The following NPIPA1 variants were observed in gnomAD, a reference collection of about 807,000 sequenced individuals.
NPIPA1 encodes nuclear pore complex-interacting protein family member A1.
For synonymous variants in NPIPA1, 7 were observed against 88.0 expected (o/e 0.08, Z 5.15); for missense variants, 22 against 232.2 (o/e 0.09, Z 5.88).
At chr16:14,937,859 C>A (rs1965653242) in intron 1 of NPIPA1, among the ~76,000 whole-genome samples, 1 of 142,618 alleles carries the variant, frequency 7.0e-6, no homozygotes, top group Middle Eastern at 3.4e-3. Context: ...GAAAGCAGAA[C>A]CTTTGTCTCC....
chr16:14,941,145 A>C (rs1387106258), intron 1 of NPIPA1, among the ~76,000 whole-genome samples: 1 of 151,804 alleles, frequency 6.6e-6, no homozygotes, highest in South Asian at 2.1e-4. Context: ...ACAAACAAAA[A>C]CAAAAAAAAT....
chr16:14,938,960 G>A (rs1364438444), intron 1 of NPIPA1, among the ~76,000 whole-genome samples: 6 of 142,546 alleles, frequency 4.2e-5, no homozygotes, highest in Non-Finnish European at 6.0e-5. Context: ...TCTTGACCTC[G>A]TGATCTGCCT....
At chr16:14,944,354 G>A (rs1256043778) in intron 2 of NPIPA1, among the ~76,000 whole-genome samples, 2 of 152,138 alleles carry the variant, frequency 1.3e-5, no homozygotes, top group African/African-American at 4.8e-5. Context: ...CAGCCTCAAC[G>A]AAGCTGATGT....
At chr16:14,938,925 C>T (rs1183143413) in intron 1 of NPIPA1, among the ~76,000 whole-genome samples, 2 of 145,588 alleles carry the variant, frequency 1.4e-5, no homozygotes, top group African/African-American at 2.5e-5. Flanking sequence ...TGGGTTTCAC[C>T]GTGTTCGCCA....
At chr16:14,943,710 C>CT (rs1965808200) in intron 2 of NPIPA1, among the ~76,000 whole-genome samples, 1 of 151,432 alleles carries the variant, frequency 6.6e-6, no homozygotes, top group Non-Finnish European at 1.5e-5. Context: ...CCTATGAAAT[C>CT]TAGCAGTAGC....
rs1355385360 is a variant in NPIPA1, at chr16:14,943,613, G to A, written c.192+1673G>A. Among the ~76,000 whole-genome samples the A allele has an allele frequency of 1.2e-4, 17 of 146,214 alleles. No individual in the cohort carries two copies. In the East Asian group the frequency reaches 3.5e-3, roughly 30 times the overall value. On this transcript the variant is annotated intron_variant, in intron 2 of 7. Coordinates refer to ENST00000328085, the MANE Select transcript of NPIPA1 (RefSeq NM_006985.4). ...GCAGGGACATCATGGGTGCCATGAA[G>A]CATTCATGTGTGATGGCATTTCTTT...
intron 1 of NPIPA1, chr16:14,937,734 GC>G (rs1965649584): frequency 1.6e-6 from 1 of 636,456 alleles, no homozygotes; most frequent in Admixed American, 2.6e-5. Flanking sequence ...GATGATGCGG[GC>G]GCTACTTGGA....
chr16:14,939,068 T>TA (rs1965693691), intron 1 of NPIPA1, among the ~76,000 whole-genome samples: 1 of 141,340 alleles, frequency 7.1e-6, no homozygotes, highest in Admixed American at 7.3e-5. Context: ...GGAAAGTACA[T>TA]ACACCAGCAT....
intron 2 of NPIPA1, among the ~76,000 whole-genome samples, chr16:14,944,236 TGAG>T (rs1194435719): frequency 5.3e-5 from 8 of 152,194 alleles, no homozygotes; most frequent in African/African-American, 1.9e-4. Flanking sequence ...TTAGCTATGA[TGAG>T]AACAAATATT....
chr16:14,946,719 G>T (rs1329254198), intron 4 of NPIPA1, among the ~76,000 whole-genome samples: 1 of 116,450 alleles, frequency 8.6e-6, no homozygotes, highest in Non-Finnish European at 1.7e-5. Flanking sequence ...TTTTGAGACA[G>T]AGTCTCACTC....
At chr16:14,938,986 T>C (rs1410426899) in intron 1 of NPIPA1, among the ~76,000 whole-genome samples, 1 of 138,634 alleles carries the variant, frequency 7.2e-6, no homozygotes, top group African/African-American at 2.7e-5. Flanking sequence ...GGCCTCCCAG[T>C]GCTGGGATTA....
chr16:14,947,895 G>A (rs1200203610), intron 4 of NPIPA1, among the ~76,000 whole-genome samples: 1 of 151,926 alleles, frequency 6.6e-6, no homozygotes, highest in Admixed American at 6.6e-5. Context: ...AGCTTCTTTA[G>A]CGTGGGGACA....
At chr16:14,947,856 C>T (rs1185476124) in intron 4 of NPIPA1, among the ~76,000 whole-genome samples, 2 of 151,956 alleles carry the variant, frequency 1.3e-5, no homozygotes, top group Non-Finnish European at 2.9e-5. Context: ...GTGATGTCCT[C>T]ACTGGCTTCT....
intron 2 of NPIPA1, among the ~76,000 whole-genome samples, chr16:14,943,762 C>T (rs1413425914): frequency 6.6e-6 from 1 of 152,022 alleles, no homozygotes; most frequent in African/African-American, 2.4e-5. Context: ...TTTTAGATTA[C>T]CCATTGCTTC....
At chr16:14,940,986 AG>A (rs1221674312) in intron 1 of NPIPA1, among the ~76,000 whole-genome samples, 2 of 116,196 alleles carry the variant, frequency 1.7e-5, no homozygotes, top group Non-Finnish European at 3.5e-5. Context: ...AAATTTGCTG[AG>A]TGCACTGTCA....
At position 14,946,606 on chromosome 16, in the gene NPIPA1, C is replaced by T. The variant is rs1274197028; in HGVS notation, c.437+625C>T. Among the ~76,000 whole-genome samples, 408 of 146,884 alleles carry T rather than the reference C, an allele frequency of 2.8e-3. 20 individuals carry two copies. The South Asian group carries it at 0.094, about 34-fold the overall frequency. On this transcript the variant is annotated intron_variant, in intron 4 of 7. Coordinates refer to ENST00000328085, the MANE Select transcript of NPIPA1 (RefSeq NM_006985.4). ...ATGGTGCAATCTTGGCTCACTGCAA[C>T]CTCTGCCTCCCAGTTTGAAGCAATT...
At chr16:14,947,263 G>C (rs1295689883) in intron 4 of NPIPA1, among the ~76,000 whole-genome samples, 1 of 152,246 alleles carries the variant, frequency 6.6e-6, no homozygotes, top group Non-Finnish European at 1.5e-5. Flanking sequence ...AATGAATTGA[G>C]GCCTAGTAGC....
At chr16:14,943,859 T>G (rs1315573499) in intron 2 of NPIPA1, among the ~76,000 whole-genome samples, 1 of 151,956 alleles carries the variant, frequency 6.6e-6, no homozygotes, top group Non-Finnish European at 1.5e-5. Context: ...TTGAAAGATA[T>G]TATTTCAGGC....
intron 4 of NPIPA1, among the ~76,000 whole-genome samples, chr16:14,947,668 G>A (rs1965924528): frequency 1.3e-5 from 2 of 151,912 alleles, no homozygotes; most frequent in South Asian, 4.2e-4. Context: ...TTACTGCCAT[G>A]TTAGCAATTT....
Sources: allele counts gnomAD v4.1 joint callset (sites outside exome capture counted in the v4.1 genomes callset), GRCh38; gene constraint gnomAD v4.1.1; transcripts MANE v1.5; gene names NCBI Gene and HGNC (gene_info 2026-07-23, HGNC 2026-07-21).